The following B3GAT2 variants were observed in gnomAD, a reference collection of about 807,000 sequenced individuals.
B3GAT2 encodes the protein galactosylgalactosylxylosylprotein 3-beta-glucuronosyltransferase 2.
B3GAT2 carries 26 observed loss-of-function variants against 27.8 expected under a neutral mutation model. The ratio of observed to expected loss-of-function variants is 0.93; its 90% CI spans 0.68 to 1.30. The LOEUF (loss-of-function observed/expected upper bound fraction) is 1.30. Among genes scored for constraint, B3GAT2 ranks in the 50% most tolerant of loss-of-function variants. The probability of loss-of-function intolerance (pLI) is 0.00; values close to 1 mark genes in which losing one functional copy is unlikely to be tolerated. For synonymous variants in B3GAT2, 218 were observed against 195.1 expected (o/e 1.12, Z -0.98); for missense variants, 458 against 459.0 (o/e 1.00, Z 0.02).
intron 1 of B3GAT2, among the ~76,000 whole-genome samples, chr6:70,938,299 A>T (rs1242326624): frequency 1.6e-5 from 2 of 128,412 alleles, no homozygotes; most frequent in Non-Finnish European, 3.3e-5. Context: ...GGGTAGGAAG[A>T]ATCAATATTG....
chr6:70,902,046 T>A (rs2150035124), intron 1 of B3GAT2, among the ~76,000 whole-genome samples: 1 of 152,324 alleles, frequency 6.6e-6, no homozygotes, highest in African/African-American at 2.4e-5. Flanking sequence ...AAGAACAGCT[T>A]CACTTAATTA....
chr6:70,911,576 T>C (rs1772689855), intron 1 of B3GAT2, among the ~76,000 whole-genome samples: 1 of 152,304 alleles, frequency 6.6e-6, no homozygotes, highest in Admixed American at 6.5e-5. Flanking sequence ...ATTTTGGTAA[T>C]GTGATGCCTC....
Position 70,956,101 on chromosome 6 carries a change from T to C in B3GAT2, c.329A>G (p.Gln110Arg). Residue 110 changes from glutamine (Q) to arginine (R), a missense_variant, in exon 1 of 4, where the codon CAG (glutamine) becomes CGG (arginine). Coordinates refer to ENST00000230053, the MANE Select transcript of B3GAT2 (RefSeq NM_080742.3). ...RLANTFRQVA[Q>R]LHWILVEDAA... Reference sequence around the variant, plus strand: ...GTCCTCCACCAGGATCCAGTGCAGCTGCGCCACCTGGCGGAACGTGTTGGC... The same window carrying C: ...GTCCTCCACCAGGATCCAGTGCAGCCGCGCCACCTGGCGGAACGTGTTGGC... The C allele has an allele frequency of 1.9e-6, 3 of 1,600,766 alleles. No individual in the cohort carries two copies. Among genetic ancestry groups the C allele is most frequent in the Non-Finnish European group, 2.6e-6 (3 of 1,175,082 alleles).
At chr6:70,945,192 C>A (rs898898445) in intron 1 of B3GAT2, among the ~76,000 whole-genome samples, 1 of 152,198 alleles carries the variant, frequency 6.6e-6, no homozygotes, top group Non-Finnish European at 1.5e-5. Context: ...GAACACAGTT[C>A]CTCACCAGCA....
At chr6:70,865,923 C>T (rs1311482477) in intron 2 of B3GAT2, among the ~76,000 whole-genome samples, 1 of 152,096 alleles carries the variant, frequency 6.6e-6, no homozygotes, top group African/African-American at 2.4e-5. Context: ...CAGGCTACAC[C>T]ACAGGGAGGG....
At chr6:70,938,711 C>T in intron 1 of B3GAT2, among the ~76,000 whole-genome samples, 1 of 152,110 alleles carries the variant, frequency 6.6e-6, no homozygotes, top group Non-Finnish European at 1.5e-5. Flanking sequence ...ATGTAGAAAG[C>T]TGAAACTGGA....
intron 1 of B3GAT2, among the ~76,000 whole-genome samples, chr6:70,902,665 C>CAT (rs55706412): frequency 1.1e-4 from 12 of 105,806 alleles, no homozygotes; most frequent in Admixed American, 5.5e-4. Context: ...CACACACACA[C>CAT]ATATATATAT....
chr6:70,910,565 C>T (rs1012416169), intron 1 of B3GAT2, among the ~76,000 whole-genome samples: 8 of 152,090 alleles, frequency 5.3e-5, no homozygotes, highest in Admixed American at 6.6e-5. Context: ...TTTCTTTATC[C>T]AATCTACCAG....
chr6:70,893,965 A>T (rs1056925039), intron 2 of B3GAT2, among the ~76,000 whole-genome samples, 163 bp downstream of exon 2: 16 of 152,218 alleles, frequency 1.1e-4, no homozygotes, highest in African/African-American at 3.1e-4. Context: ...ATCTAACCAA[A>T]GAGCCTATTT....
chr6:70,954,025 T>C (rs1337511767), intron 1 of B3GAT2, among the ~76,000 whole-genome samples: 1 of 152,184 alleles, frequency 6.6e-6, no homozygotes, highest in Non-Finnish European at 1.5e-5. Context: ...CGGAATAAAC[T>C]AAATCATTCC....
In B3GAT2 at chr6:70,861,411, A is replaced by G; in HGVS notation, c.*252T>C. ...TGCAGTATCGGCACTGTACAAAAAAATCTTCCAATTTAGTTGTTGTAGAGA... is the reference window on the plus strand; with the variant it reads ...TGCAGTATCGGCACTGTACAAAAAAGTCTTCCAATTTAGTTGTTGTAGAGA... On this transcript the variant is annotated 3_prime_UTR_variant, in exon 4 of 4. Coordinates refer to ENST00000230053, the MANE Select transcript of B3GAT2 (RefSeq NM_080742.3). The G allele has an allele frequency of 2.1e-6, 1 of 476,618 alleles. No individual in the cohort carries two copies. The highest frequency in any genetic ancestry group is 3.0e-5 in the South Asian group (1 of 32,834). 29.5% of individuals were successfully genotyped at this position (476,618 alleles called of 1,614,324 possible). A position where few individuals can be genotyped will look rare whatever the true frequency, so the allele number is the denominator to read the frequency against.
chr6:70,909,792 C>T (rs1028647530), intron 1 of B3GAT2, among the ~76,000 whole-genome samples: 1 of 152,160 alleles, frequency 6.6e-6, no homozygotes, highest in Admixed American at 6.6e-5. Flanking sequence ...CAGATCTTTG[C>T]TTTGTTTACT....
chr6:70,950,051 T>C (rs1308180371), intron 1 of B3GAT2, among the ~76,000 whole-genome samples: 1 of 151,134 alleles, frequency 6.6e-6, no homozygotes, highest in East Asian at 2.0e-4. Context: ...CTGGGGACTG[T>C]TGTGGGGTGG....
At position 70,956,285 on chromosome 6, in the gene B3GAT2, C is replaced by T. The variant is rs1436380989; in HGVS notation, c.145G>A (p.Gly49Ser). The T allele has an allele frequency of 1.2e-6, 2 of 1,603,746 alleles. No homozygotes were observed. The highest frequency in any genetic ancestry group is 1.7e-5 in the Admixed American group (1 of 58,260). Residue 49 changes from glycine (G) to serine (S), a missense_variant, in exon 1 of 4, where the codon GGC becomes AGC. Gly to Ser is a moderately conservative substitution (Grantham distance 56, BLOSUM62 0). Transcript: ENST00000230053. Reference sequence around the variant, plus strand: ...CCCCTGCGGAGCGGGAGTCGGGCGCCCCCGCGGCCCACCGCGTAGGGAGAG... The same window carrying T: ...CCCCTGCGGAGCGGGAGTCGGGCGCTCCCGCGGCCCACCGCGTAGGGAGAG... ...YFSPYAVGRGGARLPLRRGGP... is the reference protein window; with the variant it reads ...YFSPYAVGRGSARLPLRRGGP...
chr6:70,875,275 T>G (rs918555846), intron 2 of B3GAT2, among the ~76,000 whole-genome samples: 1 of 152,034 alleles, frequency 6.6e-6, no homozygotes, highest in Non-Finnish European at 1.5e-5. Flanking sequence ...ACTTAACTAC[T>G]TTTTTTTCCC....
chr6:70,947,687 T>C (rs1033104650), intron 1 of B3GAT2, among the ~76,000 whole-genome samples: 4 of 151,308 alleles, frequency 2.6e-5, no homozygotes, highest in African/African-American at 9.7e-5. Flanking sequence ...TCTGAAACTA[T>C]TCCAATCAAT....
intron 1 of B3GAT2, among the ~76,000 whole-genome samples, chr6:70,945,784 G>A (rs1485269409): frequency 1.3e-5 from 2 of 150,728 alleles, no homozygotes; most frequent in African/African-American, 4.9e-5. Context: ...ATTCACCAAA[G>A]TTGAAATGAA....
intron 2 of B3GAT2, among the ~76,000 whole-genome samples, chr6:70,884,735 T>C (rs768499850): frequency 7.2e-5 from 11 of 152,192 alleles, no homozygotes; most frequent in Non-Finnish European, 1.3e-4. Flanking sequence ...AAAAGTGACA[T>C]TGCATATCCT....
In B3GAT2 at chr6:70,935,465, T is replaced by C. The variant is rs112642956; in HGVS notation, c.591+20374A>G. ...AGAGACCCTGTCTCACTTAAAAATA[T>C]ATATATGTGTATATATATATCTCCA... On this transcript the variant is annotated intron_variant, in intron 1 of 3. Coordinates refer to ENST00000230053, the MANE Select transcript of B3GAT2 (RefSeq NM_080742.3). 7.9e-3 allele frequency among the ~76,000 whole-genome samples: 1,193 copies of C among 151,584 alleles called. 7 individuals carry two copies. The highest frequency in any genetic ancestry group is 0.045 in the Middle Eastern group (13 of 290).
Sources: gnomAD v4.1 joint callset for allele counts (sites outside exome capture counted in the v4.1 genomes callset) on GRCh38, gnomAD v4.1.1 for gene constraint, MANE v1.5 for transcripts, NCBI Gene and HGNC (gene_info 2026-07-23, HGNC 2026-07-21) for gene names.